HSPA14: variants seen among roughly 807,000 people sequenced by gnomAD.
The protein encoded by HSPA14 is heat shock 70 kDa protein 14.
In HSPA14, 37 loss-of-function variants were observed where a neutral mutation model predicts 65.5. The ratio of observed to expected loss-of-function variants is 0.56; its 90% CI spans 0.43 to 0.74. The LOEUF (loss-of-function observed/expected upper bound fraction) is 0.74. Among genes scored for constraint, HSPA14 ranks in the 30% least tolerant of loss-of-function variants. HSPA14 has a pLI of 0.00. For missense variants in HSPA14, 564 were observed against 607.6 expected (o/e 0.93, Z 0.75); for synonymous variants, 203 against 214.2 (o/e 0.95, Z 0.46).
chr10:14,868,170 T>G (rs1832823192), intron 12 of HSPA14, among the ~76,000 whole-genome samples: 1 of 152,160 alleles, frequency 6.6e-6, no homozygotes, highest in African/African-American at 2.4e-5. Context: ...ACCTTGGTAG[T>G]TAGGTAAGTG....
At chr10:14,841,302 A>G (rs1833968338) in intron 3 of HSPA14, 1 of 152,238 alleles carries the variant, frequency 6.6e-6, no homozygotes, top group African/African-American at 2.4e-5. Context: ...TTGGTGTCAA[A>G]TATTTTCAGA....
rs1304206460 is a variant in HSPA14 at position 14,864,272 on chromosome 10, T to G, written c.994-2811T>G. ...AAAGTCAATATTTTCCAAGGTTGGT[T>G]TTTTTTTTTTGGTTTTCTTTGTTTT... is the stretch of plus-strand genomic sequence containing the variant. On this transcript the variant is annotated intron_variant, in intron 10 of 13. Coordinates refer to ENST00000378372, the MANE Select transcript of HSPA14 (RefSeq NM_016299.4). Among the ~76,000 whole-genome samples, 4 of 137,386 alleles carry G rather than the reference T, an allele frequency of 2.9e-5. No homozygotes were observed. The East Asian group carries it at 7.8e-4, about 27-fold the overall frequency. 90.1% of individuals were successfully genotyped at this position (137,386 alleles called of 152,430 possible).
At chr10:14,849,546 G>C in intron 5 of HSPA14, 175 bp from the exon 6 acceptor site, 1 of 691,928 alleles carries the variant, frequency 1.4e-6, no homozygotes, top group South Asian at 1.5e-5. Flanking sequence ...AAAACCACAA[G>C]AAGTGCTGCA....
chr10:14,838,593 C>G (rs1225501830), intron 1 of HSPA14, 134 bp downstream of exon 1: 2 of 870,646 alleles, frequency 2.3e-6, no homozygotes, highest in African/African-American at 3.5e-5. Context: ...CGAGGACACT[C>G]CGGAGCGAAG....
intron 7 of HSPA14, among the ~76,000 whole-genome samples, chr10:14,852,115 C>T (rs893310766): frequency 3.9e-5 from 6 of 152,088 alleles, no homozygotes; most frequent in African/African-American, 7.2e-5. Context: ...TTGAAAAGTT[C>T]GTGTTTTGAA....
intron 13 of HSPA14, 24 bp downstream of exon 13, chr10:14,870,691 TAAGAA>T: frequency 1.3e-6 from 2 of 1,522,422 alleles, no homozygotes; most frequent in Admixed American, 2.1e-5. Context: ...CTTCTGTTGT[TAAGAA>T]AATTCAATTT....
In HSPA14 at chr10:14,867,758, G is replaced by C. The variant is rs781346954; in HGVS notation, c.1229G>C (p.Ser410Thr). The C allele has an allele frequency of 6.2e-7, 1 of 1,613,988 alleles. No individual in the cohort carries two copies. The highest frequency in any genetic ancestry group is 8.5e-7 in the Non-Finnish European group (1 of 1,179,946). ...TAGGGTGTGGACGAATCAGGAGCCA[G>C]TAGATTCACAGTGCTGTTTCCATCA... ...LVKGVDESGA[S>T]RFTVLFPSGT... The change falls in exon 12 of 14, where the codon AGT (serine) becomes ACT (threonine). Residue 410 changes from serine (S) to threonine (T), a missense_variant. Physicochemically the swap from Ser to Thr is moderately conservative, Grantham distance 58. Transcript: ENST00000378372.
Position 14,840,054 on chromosome 10 carries a change from ATATATTAT to A in HSPA14, c.139-19_139-12del. On this transcript the variant is annotated splice_polypyrimidine_tract_variant and intron_variant, in intron 2 of 13. Transcript: ENST00000378372. ...TACATACATTGTAATATATATATATATATATTATTTTTTTTTTCAGATTGTTGGATTGG... is the reference window on the plus strand; with the variant it reads ...TACATACATTGTAATATATATATATATTTTTTTTTCAGATTGTTGGATTGG... The A allele has an allele frequency of 8.3e-7, 1 of 1,209,716 alleles. No individual in the cohort carries two copies. Among genetic ancestry groups the A allele is most frequent in the Non-Finnish European group, 1.1e-6 (1 of 909,582 alleles). 74.9% of individuals were successfully genotyped at this position (1,209,716 alleles called of 1,614,324 possible). A position where few individuals can be genotyped will look rare whatever the true frequency, so the allele number is the denominator to read the frequency against.
At chr10:14,847,360 C>CT (rs1834068408) in intron 3 of HSPA14, among the ~76,000 whole-genome samples, 1 of 152,156 alleles carries the variant, frequency 6.6e-6, no homozygotes, top group Admixed American at 6.5e-5. Flanking sequence ...TATGAGCACA[C>CT]TTTATCTATT....
chr10:14,846,626 C>G, intron 3 of HSPA14: 1 of 954,786 alleles, frequency 1.0e-6, no homozygotes, highest in Non-Finnish European at 1.2e-6. Context: ...TCAGGTTCCT[C>G]ATTTATAAAG....
At chr10:14,843,240 C>T (rs930993009) in intron 3 of HSPA14, 9 of 1,131,682 alleles carry the variant, frequency 8.0e-6, no homozygotes, top group African/African-American at 7.7e-5. Flanking sequence ...ATGGATTCTT[C>T]CCAGTCCCTG....
chr10:14,845,974 T>C (rs1413055469), intron 3 of HSPA14: 1 of 927,602 alleles, frequency 1.1e-6, no homozygotes, highest in African/African-American at 1.8e-5. Flanking sequence ...AAAGACAAAA[T>C]GAAAACGAAA....
Position 14,854,176 on chromosome 10 carries a change from G to A in HSPA14, c.786G>A (p.Thr262=), listed in dbSNP as rs573014968. 2.9e-5 allele frequency: 46 copies of A among 1,611,846 alleles called. 1 individual carries two copies. In the Admixed American group the frequency reaches 4.7e-4, roughly 17 times the overall value. ...ATGCGCGAGCCATGATGAAATTAACGAACAGTGCTGAAGTAGCGAAACATT... is the reference window on the plus strand; with the variant it reads ...ATGCGCGAGCCATGATGAAATTAACAAACAGTGCTGAAGTAGCGAAACATT... ...RGNARAMMKL[T]NSAEVAKHSL... Residue 262 remains threonine, a synonymous_variant, in exon 9 of 14, where the codon ACG becomes ACA. Transcript: ENST00000378372.
chr10:14,852,387 A>C lies in HSPA14; in HGVS notation c.590A>C (p.Lys197Thr). Residue 197 changes from lysine to threonine, a missense_variant, in exon 8 of 14, where the codon AAG becomes ACG. Transcript: ENST00000378372. The part of the protein sequence containing the change: ...PTGKSNILVF[K>T]LGGTSLSLSV... ...TCTTGAAGCAATATTTTGGTGTTTA[A>C]GCTTGGAGGAACATCCTTATCTCTC... 1 of 1,613,340 alleles carries C rather than the reference A, an allele frequency of 6.2e-7. No individual in the cohort carries two copies. The highest frequency in any genetic ancestry group is 1.1e-5 in the South Asian group (1 of 90,860).
At chr10:14,853,753 CTT>C (rs77700920) in intron 8 of HSPA14, among the ~76,000 whole-genome samples, 9,400 of 152,150 alleles carry the variant, frequency 0.062, 432 homozygotes, top group South Asian at 0.21. Flanking sequence ...GAGTTTTGCT[CTT>C]GTCGCCCAGG....
intron 8 of HSPA14, among the ~76,000 whole-genome samples, chr10:14,853,449 A>G (rs975042743): frequency 3.3e-5 from 5 of 152,360 alleles, no homozygotes; most frequent in Non-Finnish European, 5.9e-5. Flanking sequence ...ACGCTCTTAC[A>G]TAAATCTCCT....
At chr10:14,844,630 A>G (rs1834023230) in intron 3 of HSPA14, 6 of 985,164 alleles carry the variant, frequency 6.1e-6, no homozygotes, top group Non-Finnish European at 7.2e-6. Flanking sequence ...TATCAATATA[A>G]GGAAATAAGA....
At chr10:14,858,004 A>G (rs1047522285) in intron 10 of HSPA14, among the ~76,000 whole-genome samples, 26 of 152,028 alleles carry the variant, frequency 1.7e-4, no homozygotes, top group Admixed American at 1.2e-3. Flanking sequence ...GATGGTAGTA[A>G]AACAGTGGTG....
At chr10:14,843,861 G>A (rs1834009052) in intron 3 of HSPA14, 1 of 1,536,296 alleles carries the variant, frequency 6.5e-7, no homozygotes, top group Non-Finnish European at 8.7e-7. Context: ...TTGAAAAATT[G>A]CTTCAGAGGT....
Sources: gnomAD v4.1 joint callset for allele counts (sites outside exome capture counted in the v4.1 genomes callset) on GRCh38, gnomAD v4.1.1 for gene constraint, MANE v1.5 for transcripts, NCBI Gene and HGNC (gene_info 2026-07-23, HGNC 2026-07-21) for gene names.